Variants in PAPSS1 observed in about 807,000 individuals in gnomAD.
PAPSS1 encodes bifunctional 3'-phosphoadenosine 5'-phosphosulfate synthase 1.
In PAPSS1, 50 loss-of-function variants were observed where a neutral mutation model predicts 72.0. The ratio of observed to expected loss-of-function variants is 0.69; its 90% CI spans 0.55 to 0.88. The LOEUF is 0.88. Among genes scored for constraint, PAPSS1 ranks in the 40% least tolerant of loss-of-function variants. PAPSS1 has a pLI of 0.00. For missense variants in PAPSS1, 657 were observed against 782.2 expected (o/e 0.84, Z 1.91); for synonymous variants, 261 against 263.6 (o/e 0.99, Z 0.09).
intron 5 of PAPSS1, among the ~76,000 whole-genome samples, chr4:107,672,345 G>A (rs1727507116): frequency 6.6e-6 from 1 of 152,220 alleles, no homozygotes; most frequent in South Asian, 2.1e-4. Flanking sequence ...CACGGCACCT[G>A]GAAAATCAGG....
chr4:107,667,575 C>T (rs1727353549), intron 5 of PAPSS1, among the ~76,000 whole-genome samples: 1 of 152,102 alleles, frequency 6.6e-6, no homozygotes, highest in African/African-American at 2.4e-5. Flanking sequence ...AATTGAATCA[C>T]TGGATACCAG....
intron 5 of PAPSS1, among the ~76,000 whole-genome samples, chr4:107,675,836 A>C (rs1052469830): frequency 6.6e-6 from 1 of 152,222 alleles, no homozygotes; most frequent in Non-Finnish European, 1.5e-5. Context: ...CTTATCCACC[A>C]TGATCAAGTC....
intron 1 of PAPSS1, among the ~76,000 whole-genome samples, chr4:107,714,049 C>T (rs1396521793): frequency 2.0e-5 from 3 of 152,126 alleles, no homozygotes; most frequent in Non-Finnish European, 2.9e-5. Flanking sequence ...CCTCTTTCAA[C>T]TGGGCCCTAT....
At chr4:107,699,604 CCTAA>C (rs1292208199) in intron 2 of PAPSS1, among the ~76,000 whole-genome samples, 1 of 152,016 alleles carries the variant, frequency 6.6e-6, no homozygotes, top group African/African-American at 2.4e-5. Context: ...CAGATAAGGA[CCTAA>C]CTGAGAAAGA....
rs1560574519 is a variant in PAPSS1, at chr4:107,656,972, A to G, written c.819T>C (p.Gly273=). Residue 273 remains glycine (G), a synonymous_variant, in exon 7 of 12, where the codon GGT becomes GGC. Transcript: ENST00000265174. ...DMQWVQVLAE[G]WATPLNGFMR... is the part of the protein sequence containing the mutation. The stretch of plus-strand genomic sequence containing the variant: ...TAAAGCCATTCAATGGGGTTGCCCA[A>G]CCTTCTGCCAAAACCTGCACCCACT... 8 of 1,614,054 alleles carry G rather than the reference A, an allele frequency of 5.0e-6. No homozygotes were observed. Among genetic ancestry groups the G allele is most frequent in the Admixed American group, 1.7e-5 (1 of 60,016 alleles).
chr4:107,695,886 A>T (rs115737885), intron 2 of PAPSS1, among the ~76,000 whole-genome samples: 1 of 152,346 alleles, frequency 6.6e-6, no homozygotes, highest in African/African-American at 2.4e-5. Flanking sequence ...AGAAGAAATA[A>T]ACAACCCCAT....
intron 1 of PAPSS1, among the ~76,000 whole-genome samples, chr4:107,707,039 G>GAA (rs1723356551): frequency 6.6e-6 from 1 of 152,200 alleles, no homozygotes; most frequent in African/African-American, 2.4e-5. Context: ...CCACAGAAAT[G>GAA]GTCTTACAGC....
At chr4:107,641,879 G>C (rs1380752110) in intron 10 of PAPSS1, among the ~76,000 whole-genome samples, 2 of 152,060 alleles carry the variant, frequency 1.3e-5, no homozygotes, top group Non-Finnish European at 2.9e-5. Flanking sequence ...TAGAATCCTA[G>C]AAATGCAGAG....
intron 10 of PAPSS1, among the ~76,000 whole-genome samples, chr4:107,632,861 G>T (rs1325655080): frequency 3.3e-5 from 5 of 152,170 alleles, no homozygotes; most frequent in African/African-American, 1.2e-4. Flanking sequence ...AGGTATAAAT[G>T]ATAACCACTA....
rs183618664 is a variant in PAPSS1 at position 107,631,812 on chromosome 4, T to G, written c.1555A>C (p.Ile519Leu). ...ATGCCAGCAGGGTCTCGTCCAACAA[T>G]GTAAAAGTTGGCTCCTGCAACCATC... ...ARMVAGANFY[I>L]VGRDPAGMPH... Residue 519 changes from isoleucine (I) to leucine (L), a missense_variant, in exon 11 of 12, where the codon ATT (isoleucine) becomes CTT (leucine). Around this residue, in one of 7 missense-constraint regions of PAPSS1, gnomAD observed 166 missense variants for 228.3 expected, o/e 0.73. Transcript: ENST00000265174. The G allele has an allele frequency of 1.9e-6, 3 of 1,614,078 alleles. No homozygotes were observed. Among genetic ancestry groups the G allele is most frequent in the South Asian group, 2.2e-5 (2 of 91,084 alleles).
At chr4:107,666,735 GA>G (rs1224884247) in intron 5 of PAPSS1, among the ~76,000 whole-genome samples, 1 of 152,178 alleles carries the variant, frequency 6.6e-6, no homozygotes, top group Non-Finnish European at 1.5e-5. Context: ...AAGGAATACA[GA>G]GGAACAGATA....
intron 2 of PAPSS1, among the ~76,000 whole-genome samples, chr4:107,695,099 C>T (rs1330412470): frequency 2.0e-5 from 3 of 152,140 alleles, no homozygotes; most frequent in South Asian, 2.1e-4. Context: ...GCCATTTTCA[C>T]GATACTGATT....
intron 11 of PAPSS1, among the ~76,000 whole-genome samples, chr4:107,619,768 A>C (rs1410186414): frequency 6.6e-6 from 1 of 152,182 alleles, no homozygotes; most frequent in Non-Finnish European, 1.5e-5. Context: ...AAAGAAATAC[A>C]AGTATGTTTG....
At chr4:107,707,108 G>T (rs1161866010) in intron 1 of PAPSS1, among the ~76,000 whole-genome samples, 1 of 152,200 alleles carries the variant, frequency 6.6e-6, no homozygotes, top group Non-Finnish European at 1.5e-5. Flanking sequence ...TGAAACCTTG[G>T]ATCTCTTAAG....
At chr4:107,692,128 ACAGGCAAAAGATTT>A (rs1722939535) in intron 3 of PAPSS1, among the ~76,000 whole-genome samples, 1 of 152,210 alleles carries the variant, frequency 6.6e-6, no homozygotes, top group African/African-American at 2.4e-5. Flanking sequence ...GGACACAGGC[ACAGGCAAAAGATTT>A]CATGACAAAA....
chr4:107,617,317 C>T (rs572761900), intron 11 of PAPSS1, among the ~76,000 whole-genome samples: 5 of 151,800 alleles, frequency 3.3e-5, no homozygotes, highest in South Asian at 4.2e-4. Context: ...ACTTGGTTCC[C>T]GGTCTAGTTC....
At chr4:107,687,987 A>C (rs4956125) in intron 3 of PAPSS1, among the ~76,000 whole-genome samples, 41,330 of 151,330 alleles carry the variant, frequency 0.27, 6,749 homozygotes, top group East Asian at 0.45. Flanking sequence ...AAAAAAAAAA[A>C]AAAACAAATC....
At chr4:107,710,564 G>C (rs1723464357) in intron 1 of PAPSS1, among the ~76,000 whole-genome samples, 1 of 152,172 alleles carries the variant, frequency 6.6e-6, no homozygotes, top group South Asian at 2.1e-4. Context: ...AGAACACTCA[G>C]GGGCATATGC....
intron 10 of PAPSS1, among the ~76,000 whole-genome samples, chr4:107,641,412 A>T (rs1726539596): frequency 6.6e-6 from 1 of 152,150 alleles, no homozygotes; most frequent in African/African-American, 2.4e-5. Context: ...TTCAGAGTTG[A>T]GCCCAGTTCT....
Sources: allele counts gnomAD v4.1 joint callset (sites outside exome capture counted in the v4.1 genomes callset), GRCh38; gene constraint gnomAD v4.1.1; regional missense constraint gnomAD v4.1.1; transcripts MANE v1.5; gene names NCBI Gene and HGNC (gene_info 2026-07-23, HGNC 2026-07-21).